COL4A3: variants seen among roughly 807,000 people sequenced by gnomAD.
The protein encoded by COL4A3 is collagen type IV alpha 3 chain.
Under a neutral mutation model 217.4 loss-of-function variants are expected in COL4A3, and 135 were observed. That is an observed-to-expected ratio of 0.62 (90% CI 0.54 to 0.72). The LOEUF is 0.72. Among genes scored for constraint, COL4A3 ranks in the 30% least tolerant of loss-of-function variants. The pLI is 0.00. For missense variants in COL4A3, 1,868 were observed against 2,119.9 expected, an observed-to-expected ratio of 0.88 and a Z score of 2.33; for synonymous variants, 690 against 736.3, an observed-to-expected ratio of 0.94 and a Z score of 1.02.
In COL4A3 at chr2:227,282,622, T is replaced by C; in HGVS notation, c.2656+90T>C. ...CTGTACATAGGCATACGCTTTTTAC[T>C]CTATGCTTTTACTTAATATAAGGTT... On this transcript the variant is annotated intron_variant, in intron 32 of 51. Coordinates refer to ENST00000396578, the MANE Select transcript of COL4A3 (RefSeq NM_000091.5). This position sits in a 1 kb window ranked among gnomAD's most constrained non-coding sequence, Gnocchi z 4.4. 3.4e-6 allele frequency: 4 copies of C among 1,180,756 alleles called. No individual in the cohort carries two copies. The highest frequency in any genetic ancestry group is 5.0e-6 in the Non-Finnish European group (4 of 795,348). 73.1% of individuals were successfully genotyped at this position (1,180,756 alleles called of 1,614,324 possible).
chr2:227,246,690 G>C lies in COL4A3; in HGVS notation c.393G>C (p.Glu131Asp), dbSNP rs1213416591. 6.2e-7 allele frequency: 1 copy of C among 1,611,724 alleles called. No individual in the cohort carries two copies. The highest frequency in any genetic ancestry group is 2.2e-5 in the East Asian group (1 of 44,830). Residue 131 changes from glutamate to aspartate, a missense_variant, in exon 7 of 52, where the codon GAG becomes GAC. Transcript: ENST00000396578. The stretch of plus-strand genomic sequence containing the variant: ...AAACTTTGTATGTCTTTTAGGGTGA[G>C]CAGGGGTTTCCAGGACTCCCAGGGA... ...GVPGCSGSKG[E>D]QGFPGLPGTL...
In COL4A3 at chr2:227,304,073, G is replaced by A. The variant is rs1474483369; in HGVS notation, c.4082G>A (p.Gly1361Glu). Residue 1361 changes from glycine (G) to glutamate (E), a missense_variant, in exon 46 of 52, where the codon GGG becomes GAG. Physicochemically the swap from Gly to Glu is moderately conservative, Grantham distance 98. This residue lies in a region of COL4A3 where 1,503 missense variants were observed against 1,786.1 expected (regional missense o/e 0.84). Transcript: ENST00000396578. ...ATTATCTCCCTTCCAGGAAGCCCAGGGCCACCTGGCACACCTGGAGAACCA... is the reference window on the plus strand; with the variant it reads ...ATTATCTCCCTTCCAGGAAGCCCAGAGCCACCTGGCACACCTGGAGAACCA... ...LKIISLPGSP[G>E]PPGTPGEPGM... 1.2e-6 allele frequency: 2 copies of A among 1,614,140 alleles called. No individual in the cohort carries two copies. Among genetic ancestry groups the A allele is most frequent in the Admixed American group, 1.7e-5 (1 of 60,000 alleles).
intron 43 of COL4A3, chr2:227,302,077 C>G (rs1413336674): frequency 6.6e-6 from 1 of 152,268 alleles, no homozygotes. Context: ...TTTCCAGAAG[C>G]CCTGCTCCCT....
intron 1 of COL4A3, among the ~76,000 whole-genome samples, chr2:227,184,947 G>T (rs2065976149): frequency 7.4e-6 from 1 of 134,952 alleles, no homozygotes; most frequent in East Asian, 2.2e-4. Context: ...TGTCGCCCAG[G>T]CTGGAGTGCA....
chr2:227,275,474 C>A (rs2071501942), intron 26 of COL4A3, among the ~76,000 whole-genome samples: 1 of 152,214 alleles, frequency 6.6e-6, no homozygotes, highest in Non-Finnish European at 1.5e-5. Flanking sequence ...AACCACCACA[C>A]CCAGCCTCTT....
intron 1 of COL4A3, among the ~76,000 whole-genome samples, chr2:227,184,799 C>T (rs1233811792): frequency 1.4e-5 from 2 of 138,290 alleles, no homozygotes; most frequent in Non-Finnish European, 1.5e-5. Context: ...TAGAAAGACT[C>T]ATCTTTTTTT....
intron 4 of COL4A3, 88 bp from the exon 5 acceptor site, chr2:227,244,863 C>T (rs764157048): frequency 1.3e-5 from 17 of 1,325,162 alleles, no homozygotes; most frequent in African/African-American, 2.9e-5. Context: ...AAAAGATTAT[C>T]GCAATGGTAA....
At chr2:227,223,565 C>A (rs1559841490) in intron 1 of COL4A3, among the ~76,000 whole-genome samples, 1 of 151,720 alleles carries the variant, frequency 6.6e-6, no homozygotes, top group East Asian at 1.9e-4. Context: ...GAGACGCCCC[C>A]CCAACTCTAC....
intron 33 of COL4A3, 138 bp downstream of exon 33, chr2:227,283,994 G>A (rs1485711885): frequency 5.1e-6 from 5 of 987,728 alleles, no homozygotes; most frequent in Non-Finnish European, 6.2e-6. Context: ...TGTTTTCTAT[G>A]TTCCTTTTCT....
intron 1 of COL4A3, among the ~76,000 whole-genome samples, chr2:227,213,837 A>G (rs10166508): frequency 0.15 from 22,408 of 147,612 alleles, 1,833 homozygotes; most frequent in Admixed American, 0.19. Context: ...AGAAGACAGA[A>G]CTTGCAGTGA....
In COL4A3 at chr2:227,270,788, G is replaced by C. The variant is rs779575469; in HGVS notation, c.1594G>C (p.Gly532Arg). The change falls in exon 25 of 52, where the codon GGT (glycine) becomes CGT (arginine). Residue 532 changes from glycine (G) to arginine (R), a missense_variant. Coordinates refer to ENST00000396578, the MANE Select transcript of COL4A3 (RefSeq NM_000091.5). ...ACCCTAGGGTTTCCCAGGTGCCCAG[G>C]GTGACCCAGGACTTAAAGGAGAAAA... Reference protein sequence around the residue: ...PGFPGFPGAQGDPGLKGEKGE... With the variant: ...PGFPGFPGAQRDPGLKGEKGE... The C allele has an allele frequency of 6.2e-7, 1 of 1,614,078 alleles. No homozygotes were observed. The highest frequency in any genetic ancestry group is 1.1e-5 in the South Asian group (1 of 91,078).
At chr2:227,242,979 T>G (rs983427376) in intron 3 of COL4A3, among the ~76,000 whole-genome samples, 1 of 152,214 alleles carries the variant, frequency 6.6e-6, no homozygotes, top group East Asian at 1.9e-4. Flanking sequence ...AACACTGACT[T>G]CCTCTAAGGC....
chr2:227,224,221 T>C (rs1243337548), intron 1 of COL4A3, among the ~76,000 whole-genome samples: 2 of 152,208 alleles, frequency 1.3e-5, no homozygotes, highest in Non-Finnish European at 1.5e-5. Context: ...CTATTACTTA[T>C]AACAATGGAG....
At chr2:227,291,151 G>A (rs2072676011) in intron 37 of COL4A3, 3 of 456,856 alleles carry the variant, frequency 6.6e-6, no homozygotes, top group Non-Finnish European at 8.0e-6. Flanking sequence ...GAAGAAGGCA[G>A]TGATTACAGG....
intron 1 of COL4A3, among the ~76,000 whole-genome samples, chr2:227,196,322 C>CT (rs767607620): frequency 3.9e-3 from 557 of 142,054 alleles, no homozygotes; most frequent in African/African-American, 8.2e-3. Flanking sequence ...ATGTTTTTAT[C>CT]TTTTTTTTTT....
chr2:227,178,599 A>G (rs1434193419), intron 1 of COL4A3, among the ~76,000 whole-genome samples: 2 of 151,890 alleles, frequency 1.3e-5, no homozygotes, highest in Admixed American at 1.3e-4. Flanking sequence ...GTGGTATCAT[A>G]TTGGCTCACT....
rs977409465 is a variant in COL4A3 at position 227,299,513 on chromosome 2, T to C, written c.3882+701T>C. 1.5e-4 allele frequency among the ~76,000 whole-genome samples: 23 copies of C among 152,178 alleles called. 1 individual carries two copies. Among genetic ancestry groups the C allele is most frequent in the African/African-American group, 5.3e-4 (22 of 41,542 alleles). On this transcript the variant is annotated intron_variant, in intron 43 of 51. Transcript: ENST00000396578. ...CTCCCACTGGGTCCTTCCCAGGACATGTGGGGATTATAGGAACTACAATTC... is the reference window on the plus strand; with the variant it reads ...CTCCCACTGGGTCCTTCCCAGGACACGTGGGGATTATAGGAACTACAATTC...
intron 25 of COL4A3, among the ~76,000 whole-genome samples, chr2:227,272,316 C>A (rs944985732): frequency 6.6e-6 from 1 of 152,060 alleles, no homozygotes; most frequent in African/African-American, 2.4e-5. Flanking sequence ...AGTCTTACAC[C>A]CTGTCATTAA....
intron 1 of COL4A3, among the ~76,000 whole-genome samples, chr2:227,226,850 C>T (rs1188266914): frequency 6.6e-6 from 1 of 152,202 alleles, no homozygotes; most frequent in Non-Finnish European, 1.5e-5. Flanking sequence ...AATCACCAAG[C>T]TTTTCCCATA....
Sources: gnomAD v4.1 joint callset for allele counts (sites outside exome capture counted in the v4.1 genomes callset) on GRCh38, gnomAD v4.1.1 for gene constraint, gnomAD v4.1.1 regional missense constraint, Gnocchi (gnomAD v3.1) non-coding constraint, MANE v1.5 for transcripts, NCBI Gene and HGNC (gene_info 2026-07-23, HGNC 2026-07-21) for gene names.